The following CDK12 variants were observed in gnomAD, a reference collection of about 807,000 sequenced individuals.
The protein encoded by CDK12 is cyclin dependent kinase 12.
Under a neutral mutation model 133.8 loss-of-function variants are expected in CDK12, and 17 were observed. The observed-to-expected ratio is 0.13, with a 90% confidence interval of 0.09 to 0.19. The LOEUF is 0.19. Ranked by LOEUF, CDK12 falls within the 10% of genes least tolerant of loss-of-function variation. The probability of loss-of-function intolerance (pLI) is 1.00; values close to 1 mark genes in which losing one functional copy is unlikely to be tolerated. For synonymous variants in CDK12, 694 were observed against 683.6 expected (o/e 1.02, Z -0.24); for missense variants, 1,508 against 1,818.7 (o/e 0.83, Z 3.11).
chr17:39,475,097 A>G (rs1161982376), intron 2 of CDK12, among the ~76,000 whole-genome samples: 1 of 152,032 alleles, frequency 6.6e-6, no homozygotes, highest in African/African-American at 2.4e-5. Context: ...GGCCTTCCAA[A>G]GTGCTGGGAT....
In CDK12 at chr17:39,476,713, T is replaced by A. The variant is rs1187293638; in HGVS notation, c.1931+4950T>A. Among the ~76,000 whole-genome samples, 42 of 92,932 alleles carry A rather than the reference T, an allele frequency of 4.5e-4. 11 individuals are homozygous for A. Among genetic ancestry groups the A allele is most frequent in the East Asian group, 7.0e-4 (2 of 2,848 alleles). The allele number at this position is 92,932 out of a possible 152,430, so 61.0% of individuals were successfully genotyped here. A position where few individuals can be genotyped will look rare whatever the true frequency, so the allele number is the denominator to read the frequency against. On this transcript the variant is annotated intron_variant, in intron 2 of 13. Coordinates refer to ENST00000447079, the MANE Select transcript of CDK12 (RefSeq NM_016507.4). ...CAGGCATGAGCCACCATGCCTGCCT[T>A]TTTTTTTTTTTTTTTTTTTTTTTTT... is the stretch of plus-strand genomic sequence containing the variant.
chr17:39,478,594 C>T (rs1037703576), intron 2 of CDK12, among the ~76,000 whole-genome samples: 2 of 151,892 alleles, frequency 1.3e-5, no homozygotes, highest in Non-Finnish European at 2.9e-5. Context: ...TAATCCCAGC[C>T]CTTTGGGAGG....
chr17:39,566,522 C>G (rs1474006073), downstream of CDK12, among the ~76,000 whole-genome samples: 1 of 152,108 alleles, frequency 6.6e-6, no homozygotes, highest in Non-Finnish European at 1.5e-5. Flanking sequence ...TTTCGGCAGT[C>G]AGCACCTTTG....
chr17:39,509,884 T>A, intron 7 of CDK12, 123 bp downstream of exon 7: 1 of 729,660 alleles, frequency 1.4e-6, no homozygotes, highest in Non-Finnish European at 2.4e-6. Context: ...CGCTGCAGCC[T>A]CAACCTCTGT....
chr17:39,503,391 G>C (rs1206911107), intron 6 of CDK12, among the ~76,000 whole-genome samples: 1 of 152,110 alleles, frequency 6.6e-6, no homozygotes, highest in Non-Finnish European at 1.5e-5. Flanking sequence ...ATTTCTTTAT[G>C]TTGCTTTCTC....
rs376637769 is a variant in CDK12 at position 39,556,637 on chromosome 17, C to A, written n.484+224C>A. On this transcript the variant is annotated intron_variant and non_coding_transcript_variant, in intron 3 of 3. Coordinates refer to the CDK12 transcript ENST00000558240. ...CCTCCTGGCTTTTTCCCAGCTCCCCCTCCCCGCTAGCCCAACCCCCTCCCT... is the reference window on the plus strand; with the variant it reads ...CCTCCTGGCTTTTTCCCAGCTCCCCATCCCCGCTAGCCCAACCCCCTCCCT... Among the ~76,000 whole-genome samples the A allele has an allele frequency of 8.5e-4, 129 of 152,296 alleles. 1 individual carries two copies. Among genetic ancestry groups the A allele is most frequent in the African/African-American group, 3.0e-3 (126 of 41,554 alleles).
At chr17:39,467,805 G>A (rs905676247) in intron 1 of CDK12, among the ~76,000 whole-genome samples, 1 of 151,988 alleles carries the variant, frequency 6.6e-6, no homozygotes, top group African/African-American at 2.4e-5. Context: ...TGCATATTTG[G>A]TCAATATCAG....
At position 39,520,067 on chromosome 17, in the gene CDK12, C is replaced by G; in HGVS notation, c.3075C>G (p.Leu1025=). ...LQSDFLKDVE[L]SKMAPPDLPH... The stretch of plus-strand genomic sequence containing the variant: ...GCGACTTCCTTAAAGATGTCGAACT[C>G]AGCAAAATGGCTCCTCCAGAGTAAG... The change falls in exon 11 of 14, where the codon CTC becomes CTG. Residue 1025 remains leucine, a synonymous_variant. Transcript: ENST00000447079. The G allele has an allele frequency of 6.2e-7, 1 of 1,614,032 alleles. No individual in the cohort carries two copies. The highest frequency in any genetic ancestry group is 8.5e-7 in the Non-Finnish European group (1 of 1,179,964).
At chr17:39,562,977 G>C (rs568348205) in intron 3 of CDK12, among the ~76,000 whole-genome samples, 8 of 138,970 alleles carry the variant, frequency 5.8e-5, no homozygotes, top group African/African-American at 2.1e-4. Flanking sequence ...CTAATGGCTA[G>C]AGCATGTAAA....
At position 39,495,642 on chromosome 17, in the gene CDK12, A is replaced by G. The variant is rs2052039747; in HGVS notation, c.2419+948A>G. 1.3e-5 allele frequency among the ~76,000 whole-genome samples: 2 copies of G among 151,556 alleles called. 1 individual carries two copies. The highest frequency in any genetic ancestry group is 4.2e-4 in the South Asian group (2 of 4,806). On this transcript the variant is annotated intron_variant, in intron 5 of 13. Transcript: ENST00000447079. ...CTGACTCTACTAAAAAAATACAAAA[A>G]AAATTAGCCGGACATGGTGGCAGGC...
At chr17:39,525,129 T>G (rs1028980820) in intron 12 of CDK12, among the ~76,000 whole-genome samples, 32 of 152,218 alleles carry the variant, frequency 2.1e-4, no homozygotes, top group African/African-American at 7.5e-4. Flanking sequence ...TGTATCTCAA[T>G]TAGATGTGTG....
At position 39,490,692 on chromosome 17, in the gene CDK12, G is replaced by A. The variant is rs780133908; in HGVS notation, c.2067G>A (p.Lys689=). 9.3e-6 allele frequency: 15 copies of A among 1,613,310 alleles called. No homozygotes were observed. The highest frequency in any genetic ancestry group is 1.3e-5 in the Non-Finnish European group (15 of 1,179,710). The change falls in exon 3 of 14, where the codon AAG becomes AAA. Residue 689 remains lysine, a synonymous_variant. Coordinates refer to ENST00000447079, the MANE Select transcript of CDK12 (RefSeq NM_016507.4). ...DLSPPDSPEP[K]AITPPQQPYK... is the part of the protein sequence containing the mutation. ...CTCCCCCAGACTCTCCAGAACCAAA[G>A]GCAATCACACCACCTCAGCAACCAT... is the stretch of plus-strand genomic sequence containing the variant.
intron 1 of CDK12, among the ~76,000 whole-genome samples, chr17:39,464,404 CTTT>C (rs61135804): frequency 7.3e-6 from 1 of 136,460 alleles, no homozygotes; most frequent in Admixed American, 7.5e-5. Context: ...TTTTCTTTTT[CTTT>C]TTTTTTTTTG....
chr17:39,482,380 T>C (rs1241829979), intron 2 of CDK12, among the ~76,000 whole-genome samples: 1 of 152,038 alleles, frequency 6.6e-6, no homozygotes, highest in African/African-American at 2.4e-5. Context: ...TACATTATTT[T>C]TAAAGGCTGT....
chr17:39,502,275 C>T (rs556107661), intron 6 of CDK12, among the ~76,000 whole-genome samples: 42 of 152,162 alleles, frequency 2.8e-4, no homozygotes, highest in Non-Finnish European at 5.3e-4. Flanking sequence ...GCCTCAGCTT[C>T]CCGAATAGCT....
intron 2 of CDK12, among the ~76,000 whole-genome samples, chr17:39,481,814 G>A (rs1312182932): frequency 3.3e-5 from 5 of 151,220 alleles, no homozygotes; most frequent in African/African-American, 9.7e-5. Context: ...TCCGCCTCCC[G>A]GGTTGAAGTG....
chr17:39,565,573 A>G (rs2144727607), downstream of CDK12, among the ~76,000 whole-genome samples: 1 of 152,230 alleles, frequency 6.6e-6, no homozygotes, highest in South Asian at 2.1e-4. Flanking sequence ...AGCTGGGATT[A>G]CAGGCATGCA....
At chr17:39,502,067 A>G (rs1330642763) in intron 6 of CDK12, among the ~76,000 whole-genome samples, 1 of 145,376 alleles carries the variant, frequency 6.9e-6, no homozygotes, top group Non-Finnish European at 1.5e-5. Flanking sequence ...CTGATCTTGA[A>G]CTCCTGACCT....
intron 10 of CDK12, 52 bp from the exon 11 acceptor site, chr17:39,519,904 T>G: frequency 6.2e-7 from 1 of 1,606,082 alleles, no homozygotes; most frequent in Non-Finnish European, 8.5e-7. Flanking sequence ...ATTACAAATT[T>G]GAGAACTGTA....
Sources: gnomAD v4.1 joint callset for allele counts (sites outside exome capture counted in the v4.1 genomes callset) on GRCh38, gnomAD v4.1.1 for gene constraint, MANE v1.5 for transcripts, NCBI Gene and HGNC (gene_info 2026-07-23, HGNC 2026-07-21) for gene names.